The following CTNNA2 variants were observed in gnomAD, a reference collection of about 807,000 sequenced individuals.
CTNNA2 encodes catenin alpha 2.
Under a neutral mutation model 101.0 loss-of-function variants are expected in CTNNA2, and 42 were observed. That is an observed-to-expected ratio of 0.42 (90% CI 0.32 to 0.54). The LOEUF is 0.54. Ranked by LOEUF, CTNNA2 falls within the 20% of genes least tolerant of loss-of-function variation. The pLI is 0.14. For synonymous variants in CTNNA2, 450 were observed against 456.4 expected (o/e 0.99, Z 0.18); for missense variants, 871 against 1,223.1 (o/e 0.71, Z 4.29).
chr2:80,439,066 A>T (rs1366256000), intron 9 of CTNNA2, among the ~76,000 whole-genome samples: 1 of 152,202 alleles, frequency 6.6e-6, no homozygotes, highest in Non-Finnish European at 1.5e-5. Flanking sequence ...ATATGAGTAA[A>T]TAAAGTAGGA....
At chr2:80,264,060 TATCA>T (rs1466764055) in intron 7 of CTNNA2, among the ~76,000 whole-genome samples, 4 of 152,200 alleles carry the variant, frequency 2.6e-5, no homozygotes, top group Non-Finnish European at 5.9e-5. Context: ...TTCTTAAACA[TATCA>T]ATTTGCACTT....
intron 7 of CTNNA2, among the ~76,000 whole-genome samples, chr2:79,980,063 C>G (rs1307140742): frequency 2.0e-5 from 3 of 152,124 alleles, no homozygotes; most frequent in African/African-American, 7.2e-5. Context: ...TGAACACCTT[C>G]CAGTTTTTAA....
chr2:79,438,039 G>C (rs1344096929), intron 4 of CTNNA2, among the ~76,000 whole-genome samples: 2 of 144,652 alleles, frequency 1.4e-5, no homozygotes, highest in Non-Finnish European at 1.5e-5. Context: ...TTAAAAAAGA[G>C]GAGAGGGTCA....
intron 1 of CTNNA2, among the ~76,000 whole-genome samples, chr2:79,192,985 C>T (rs1303878854): frequency 2.0e-5 from 3 of 152,126 alleles, no homozygotes; most frequent in African/African-American, 7.2e-5. Context: ...CTTCAAGTTA[C>T]TATCCTCTTG....
intron 3 of CTNNA2, among the ~76,000 whole-genome samples, chr2:79,351,413 A>G (rs964404802): frequency 2.0e-5 from 3 of 152,062 alleles, no homozygotes; most frequent in Admixed American, 6.5e-5. Context: ...TATCATTCCC[A>G]TTGTTTATTT....
chr2:80,553,026 G>T (rs1395785700), intron 11 of CTNNA2, among the ~76,000 whole-genome samples: 4 of 149,082 alleles, frequency 2.7e-5, no homozygotes, highest in Non-Finnish European at 5.9e-5. Flanking sequence ...AGAGCAGCTT[G>T]ACCAACATGG....
chr2:80,420,034 G>GAAAAAAAAAAAAA (rs527701227), intron 9 of CTNNA2, among the ~76,000 whole-genome samples: 1 of 37,518 alleles, frequency 2.7e-5, no homozygotes. Context: ...GGGAACTTGT[G>GAAAAAAAAAAAAA]AAAAAAAAAA....
Position 79,477,610 on chromosome 2 carries a change from T to C in CTNNA2, c.-134-27444T>C, listed in dbSNP as rs1671064894. Among the ~76,000 whole-genome samples, 3 of 152,176 alleles carry C rather than the reference T, an allele frequency of 2.0e-5. No homozygotes were observed. The South Asian group carries it at 6.2e-4, about 32-fold the overall frequency. Reference sequence around the variant, plus strand: ...CTGCCTATTTGCATTTCCTAGGCAGTTTTTTCTGTCTCACAGCTCAATGGT... The same window carrying C: ...CTGCCTATTTGCATTTCCTAGGCAGCTTTTTCTGTCTCACAGCTCAATGGT... On this transcript the variant is annotated intron_variant, in intron 4 of 21. Transcript: ENST00000466387.
chr2:80,375,306 G>C (rs1432661390), intron 7 of CTNNA2, among the ~76,000 whole-genome samples: 1 of 152,100 alleles, frequency 6.6e-6, no homozygotes, highest in Non-Finnish European at 1.5e-5. Flanking sequence ...TTTCTATGGA[G>C]CTCTCAGGAT....
chr2:80,391,413 C>T lies in CTNNA2; in HGVS notation c.1057-1798C>T, dbSNP rs551031333. 1.9e-3 allele frequency among the ~76,000 whole-genome samples: 295 copies of T among 152,212 alleles called. 4 individuals are homozygous for T. Among genetic ancestry groups the T allele is most frequent in the Non-Finnish European group, 3.3e-3 (226 of 68,020 alleles). On this transcript the variant is annotated intron_variant, in intron 7 of 18. Coordinates refer to ENST00000402739, the MANE Select transcript of CTNNA2 (RefSeq NM_001282597.3). ...AAGTGTCTCAATTTTTTTCTTTTCACTTTGAAAAGTTTAGTAATCGATCCT... is the reference window on the plus strand; with the variant it reads ...AAGTGTCTCAATTTTTTTCTTTTCATTTTGAAAAGTTTAGTAATCGATCCT...
chr2:79,454,997 A>C (rs1289776499), intron 4 of CTNNA2, among the ~76,000 whole-genome samples: 3 of 152,210 alleles, frequency 2.0e-5, no homozygotes, highest in Non-Finnish European at 4.4e-5. Context: ...GACTTAACAC[A>C]GTGCCTCAAT....
intron 9 of CTNNA2, among the ~76,000 whole-genome samples, chr2:80,542,466 G>A (rs1352639251): frequency 6.6e-6 from 1 of 151,742 alleles, no homozygotes; most frequent in African/African-American, 2.4e-5. Flanking sequence ...ATGGACAGTG[G>A]TATGTCACTC....
chr2:80,426,661 A>C (rs1270793051), intron 9 of CTNNA2, among the ~76,000 whole-genome samples: 1 of 152,100 alleles, frequency 6.6e-6, no homozygotes, highest in African/African-American at 2.4e-5. Context: ...GTTAAAGACC[A>C]ACATTGTAAA....
chr2:79,981,844 A>C (rs1691294840), intron 7 of CTNNA2, among the ~76,000 whole-genome samples: 1 of 152,086 alleles, frequency 6.6e-6, no homozygotes, highest in African/African-American at 2.4e-5. Flanking sequence ...TAGGAAAAAA[A>C]AGTATAAATC....
intron 7 of CTNNA2, among the ~76,000 whole-genome samples, chr2:80,094,541 A>G (rs1470994329): frequency 1.3e-5 from 2 of 152,196 alleles, no homozygotes; most frequent in African/African-American, 4.8e-5. Context: ...AATTCTGTGA[A>G]GCAAGTCATT....
intron 7 of CTNNA2, among the ~76,000 whole-genome samples, chr2:79,966,450 G>C (rs1690067609): frequency 6.6e-6 from 1 of 152,070 alleles, no homozygotes; most frequent in Non-Finnish European, 1.5e-5. Context: ...TGTTTAGCCT[G>C]GTCTCAAATG....
At chr2:79,997,110 A>C (rs1692603706) in intron 7 of CTNNA2, among the ~76,000 whole-genome samples, 1 of 152,088 alleles carries the variant, frequency 6.6e-6, no homozygotes, top group Non-Finnish European at 1.5e-5. Context: ...TTCCTTTATA[A>C]GTCTCTTGAA....
At chr2:80,056,650 A>G (rs570301235) in intron 7 of CTNNA2, among the ~76,000 whole-genome samples, 47 of 152,174 alleles carry the variant, frequency 3.1e-4, no homozygotes, top group African/African-American at 1.1e-3. Flanking sequence ...ATTCCTGTAC[A>G]TTTTGCTTTG....
At chr2:80,355,258 G>A (rs1054099091) in intron 7 of CTNNA2, among the ~76,000 whole-genome samples, 31 of 152,088 alleles carry the variant, frequency 2.0e-4, no homozygotes, top group African/African-American at 7.2e-4. Context: ...ACTCTCCTCC[G>A]GCTAGGAGAA....
Sources: gnomAD v4.1 joint callset for allele counts (sites outside exome capture counted in the v4.1 genomes callset) on GRCh38, gnomAD v4.1.1 for gene constraint, MANE v1.5 for transcripts, NCBI Gene and HGNC (gene_info 2026-07-23, HGNC 2026-07-21) for gene names.